NF1: variants seen among roughly 807,000 people sequenced by gnomAD.
NF1 encodes the protein neurofibromin.
In NF1, 122 loss-of-function variants were observed where a neutral mutation model predicts 325.7. That is an observed-to-expected ratio of 0.37 (90% CI 0.32 to 0.44). The LOEUF is 0.44. NF1 is among the 20% of genes least tolerant of loss of function. NF1 has a pLI of 1.00. For missense variants in NF1, 2,140 were observed against 3,415.4 expected, an observed-to-expected ratio of 0.63 and a Z score of 9.31; for synonymous variants, 1,091 against 1,186.0, an observed-to-expected ratio of 0.92 and a Z score of 1.65.
rs138532441 is a variant in NF1, at chr17:31,151,663, C to T, written c.61-4320C>T. On this transcript the variant is annotated intron_variant, in intron 1 of 57. Coordinates refer to ENST00000358273, the MANE Select transcript of NF1 (RefSeq NM_001042492.3). ...TGTACTTTAAATCATCCCTTGATTACTGATAATACTTAATACAATGTAATA... is the reference window on the plus strand; with the variant it reads ...TGTACTTTAAATCATCCCTTGATTATTGATAATACTTAATACAATGTAATA... Among the ~76,000 whole-genome samples, 12 of 152,206 alleles carry T rather than the reference C, an allele frequency of 7.9e-5. No individual in the cohort carries two copies. The East Asian group carries it at 1.9e-3, about 24-fold the overall frequency.
chr17:31,311,789 G>C (rs2151517721), intron 36 of NF1, among the ~76,000 whole-genome samples: 1 of 152,302 alleles, frequency 6.6e-6, no homozygotes, highest in South Asian at 2.1e-4. Flanking sequence ...TCTTGTGCCA[G>C]AACCGTTTCT....
rs533744802 is a variant in NF1 at position 31,158,109 on chromosome 17, T to G, written c.205-901T>G. Reference sequence around the variant, plus strand: ...CCGATTCTCCCTACCCGACCCTTCTTACCTCTAGTGTCCTCTCTTCTACTT... The same window carrying G: ...CCGATTCTCCCTACCCGACCCTTCTGACCTCTAGTGTCCTCTCTTCTACTT... On this transcript the variant is annotated intron_variant, in intron 2 of 57. Coordinates refer to ENST00000358273, the MANE Select transcript of NF1 (RefSeq NM_001042492.3). Among the ~76,000 whole-genome samples, 14 of 152,344 alleles carry G rather than the reference T, an allele frequency of 9.2e-5. No individual in the cohort carries two copies. The South Asian group carries it at 2.9e-3, about 32-fold the overall frequency.
At chr17:31,367,346 C>G (rs1035658025) in intron 57 of NF1, 3 of 1,063,228 alleles carry the variant, frequency 2.8e-6, no homozygotes, top group Admixed American at 2.4e-5. Flanking sequence ...GGGCACATAG[C>G]ATGAGACTTT....
rs1375461996 is a variant in NF1, at chr17:31,332,825, G to A, written c.5813-2013G>A. 9.2e-5 allele frequency among the ~76,000 whole-genome samples: 4 copies of A among 43,380 alleles called. 1 individual carries two copies. Among genetic ancestry groups the A allele is most frequent in the East Asian group, 9.3e-4 (2 of 2,154 alleles). The allele number at this position is 43,380 out of a possible 152,430, so 28.5% of individuals were successfully genotyped here. On this transcript the variant is annotated intron_variant, in intron 39 of 57. Coordinates refer to ENST00000358273, the MANE Select transcript of NF1 (RefSeq NM_001042492.3). ...TTCCCACCTATGAGTGAGAATATGCGGTGTTTGGTTTTTTGTTCTTGCGAT... is the reference window on the plus strand; with the variant it reads ...TTCCCACCTATGAGTGAGAATATGCAGTGTTTGGTTTTTTGTTCTTGCGAT...
chr17:31,286,547 A>G (rs1264274441), intron 36 of NF1, among the ~76,000 whole-genome samples: 2 of 152,222 alleles, frequency 1.3e-5, no homozygotes, highest in Non-Finnish European at 2.9e-5. Context: ...ATGTCATGTG[A>G]TCTTGTGGAA....
chr17:31,320,232 A>T, intron 36 of NF1: 1 of 617,760 alleles, frequency 1.6e-6, no homozygotes, highest in Non-Finnish European at 2.5e-6. Context: ...TGAATGAACT[A>T]AAAGCAAAAC....
At chr17:31,287,328 A>G (rs376579801) in intron 36 of NF1, among the ~76,000 whole-genome samples, 3 of 152,244 alleles carry the variant, frequency 2.0e-5, no homozygotes, top group African/African-American at 7.2e-5. Context: ...CTTCTGGAGT[A>G]TATGTTCTTA....
chr17:31,337,039 AATGAC>A, intron 42 of NF1, 125 bp downstream of exon 42: 1 of 937,822 alleles, frequency 1.1e-6, no homozygotes, highest in Non-Finnish European at 1.6e-6. Context: ...AGCCTCCAGT[AATGAC>A]ATGAAATATT....
chr17:31,178,128 G>T (rs1390151063), intron 5 of NF1, among the ~76,000 whole-genome samples: 2 of 152,094 alleles, frequency 1.3e-5, no homozygotes, highest in African/African-American at 4.8e-5. Context: ...GAAAGGTCGG[G>T]TTACCCACAA....
chr17:31,143,867 G>C (rs1215115722), intron 1 of NF1, among the ~76,000 whole-genome samples: 4 of 152,024 alleles, frequency 2.6e-5, no homozygotes, highest in Admixed American at 6.6e-5. Flanking sequence ...TGTTGCCCAG[G>C]CTGGAGTGCA....
In NF1 at chr17:31,336,943, A is replaced by G. The variant is rs2151555299; in HGVS notation, c.6427+29A>G. 1 of 1,601,228 alleles carries G rather than the reference A, an allele frequency of 6.2e-7. No homozygotes were observed. The highest frequency in any genetic ancestry group is 8.5e-7 in the Non-Finnish European group (1 of 1,178,086). On this transcript the variant is annotated intron_variant, in intron 42 of 57. Transcript: ENST00000358273. This position sits in a 1 kb window ranked among gnomAD's most constrained non-coding sequence, Gnocchi z 5.5. ...AGTTCTAGGAAAGGAATTTGTGTTT[A>G]CCAGTTCCTTTCTCCATTTTACTTC...
At chr17:31,352,721 C>A (rs371075954) in intron 51 of NF1, among the ~76,000 whole-genome samples, 13 of 152,050 alleles carry the variant, frequency 8.5e-5, no homozygotes, top group African/African-American at 2.9e-4. Context: ...AGATAAATAC[C>A]TATAAGAAAG....
intron 36 of NF1, among the ~76,000 whole-genome samples, chr17:31,315,636 T>C (rs2069001871): frequency 6.6e-6 from 1 of 152,188 alleles, no homozygotes; most frequent in African/African-American, 2.4e-5. Flanking sequence ...TTTGAGTAAG[T>C]CACCTTTCCT....
intron 39 of NF1, 81 bp from the exon 40 acceptor site, chr17:31,334,757 T>C (rs1008833351): frequency 8.5e-7 from 1 of 1,175,572 alleles, no homozygotes; most frequent in African/African-American, 1.5e-5. Flanking sequence ...TTTACCATTT[T>C]TTCCCCGAAT....
chr17:31,251,200 C>G (rs1206842189), intron 30 of NF1: 1 of 203,340 alleles, frequency 4.9e-6, no homozygotes, highest in East Asian at 7.5e-5. Flanking sequence ...TTTTCTTGCC[C>G]CTTTGCCTTT....
At chr17:31,294,135 A>G (rs992147958) in intron 36 of NF1, among the ~76,000 whole-genome samples, 2 of 152,156 alleles carry the variant, frequency 1.3e-5, no homozygotes, top group Non-Finnish European at 1.5e-5. Context: ...AATTTAGGTA[A>G]TTCTGATTTC....
chr17:31,303,906 A>G (rs1053562735), intron 36 of NF1: 1 of 163,280 alleles, frequency 6.1e-6, no homozygotes, highest in Non-Finnish European at 1.3e-5. Context: ...TGAAATGGAA[A>G]CATAAAAGTT....
At chr17:31,190,025 G>A (rs2066313278) in intron 8 of NF1, among the ~76,000 whole-genome samples, 1 of 148,182 alleles carries the variant, frequency 6.7e-6, no homozygotes, top group African/African-American at 2.5e-5. Context: ...GCCTCCCAAA[G>A]TGCTGGGATT....
Position 31,349,230 on chromosome 17 carries a change from CAG to C in NF1, c.7303_7304del (p.Ser2435ArgfsTer12), listed in dbSNP as rs1597858594. 1 of 1,613,244 alleles carries C rather than the reference CAG, an allele frequency of 6.2e-7. No individual in the cohort carries two copies. On this transcript the variant is annotated frameshift_variant, in exon 49 of 58. Coordinates refer to ENST00000358273, the MANE Select transcript of NF1 (RefSeq NM_001042492.3). LOFTEE classifies it high-confidence loss of function. ...TTGTGACAAATTTGAAGTGAATACA[CAG>C]AGCGTGGCCTACTTAGCAGGTAAAA... The part of the protein sequence containing the change: ...RNCDKFEVNT[Q>X]SVAYLAALLT...
Sources: allele counts gnomAD v4.1 joint callset (sites outside exome capture counted in the v4.1 genomes callset), GRCh38; gene constraint gnomAD v4.1.1; non-coding constraint Gnocchi (gnomAD v3.1); transcripts MANE v1.5; gene names NCBI Gene and HGNC (gene_info 2026-07-23, HGNC 2026-07-21).